FARP2: variants seen among roughly 807,000 people sequenced by gnomAD.
FARP2 encodes FERM, ARH/RhoGEF and pleckstrin domain protein 2, also known as FERM, ARHGEF and pleckstrin domain-containing protein 2.
A neutral mutation model predicts 130.5 loss-of-function variants in FARP2; 111 were observed. That is an observed-to-expected ratio of 0.85 (90% CI 0.73 to 1.00). FARP2 has a LOEUF of 1.00. Ranked by LOEUF, FARP2 falls within the 50% of genes least tolerant of loss-of-function variation. The probability of loss-of-function intolerance (pLI) is 0.00; values close to 1 mark genes in which losing one functional copy is unlikely to be tolerated. For missense variants in FARP2, 1,385 were observed against 1,346.3 expected, an observed-to-expected ratio of 1.03 and a Z score of -0.45; for synonymous variants, 504 against 516.9, an observed-to-expected ratio of 0.98 and a Z score of 0.34.
At chr2:241,366,102 A>ATATATATATATATATATATATAT (rs1388297069) in intron 1 of FARP2, among the ~76,000 whole-genome samples, 2 of 34,728 alleles carry the variant, frequency 5.8e-5, no homozygotes, top group African/African-American at 1.6e-4. Context: ...TAAAAAAAAA[A>ATATATATATATATATATATATAT]AAATATATAT....
In FARP2 at chr2:241,379,559, C is replaced by T. The variant is rs552876498; in HGVS notation, c.183+6269C>T. 1.2e-4 allele frequency among the ~76,000 whole-genome samples: 18 copies of T among 152,326 alleles called. No individual in the cohort carries two copies. In the East Asian group the frequency reaches 3.3e-3, roughly 28 times the overall value. On this transcript the variant is annotated intron_variant, in intron 2 of 26. Transcript: ENST00000264042. ...ATAGTGACAAGTAGGAAGACAAATT[C>T]TCAGTCACGAAGTTCTGTGCTAGAA...
In FARP2 at chr2:241,374,014, C is replaced by CT. The variant is rs779927100; in HGVS notation, c.183+738dup. ...GAAAGTTCTTTTTATTCATCTTTTA[C>CT]TTTTTTTTTTTTTTGAGAAAGGGTG... On this transcript the variant is annotated intron_variant, in intron 2 of 26. Coordinates refer to ENST00000264042, the MANE Select transcript of FARP2 (RefSeq NM_014808.4). Among the ~76,000 whole-genome samples, 1,122 of 142,582 alleles carry CT rather than the reference C, an allele frequency of 7.9e-3. 10 individuals are homozygous for CT. Among genetic ancestry groups the CT allele is most frequent in the African/African-American group, 0.018 (711 of 39,164 alleles). The allele number at this position is 142,582 out of a possible 152,430, so 93.5% of individuals were successfully genotyped here. A position where few individuals can be genotyped will look rare whatever the true frequency, so the allele number is the denominator to read the frequency against.
In FARP2 at chr2:241,431,768, G is replaced by T. The variant is rs2150397167; in HGVS notation, c.861G>T (p.Glu287Asp). 3 of 1,383,178 alleles carry T rather than the reference G, an allele frequency of 2.2e-6. No individual in the cohort carries two copies. The highest frequency in any genetic ancestry group is 2.6e-5 in the South Asian group (2 of 76,992). 85.7% of individuals were successfully genotyped at this position (1,383,178 alleles called of 1,614,324 possible). ...RKRFLIKLHP[E>D]VHGPYQDTLE... ...GATTTCTTATCAAACTTCATCCAGA[G>T]GTTCATGTAAGTATTATTTTCAACT... The change falls in exon 9 of 27, where the codon GAG (glutamate) becomes GAT (aspartate). Residue 287 changes from glutamate to aspartate, a missense_variant. Transcript: ENST00000264042.
intron 4 of FARP2, chr2:241,405,403 G>T (rs2062306556): frequency 6.6e-6 from 1 of 151,984 alleles, no homozygotes; most frequent in Non-Finnish European, 1.5e-5. Context: ...TTAAACTAAG[G>T]CATGTAGTAG....
intron 12 of FARP2, among the ~76,000 whole-genome samples, chr2:241,438,509 A>G (rs972693717): frequency 6.6e-6 from 1 of 152,110 alleles, no homozygotes; most frequent in Non-Finnish European, 1.5e-5. Context: ...GTGAGCCACA[A>G]TTGTACCACT....
At position 241,435,012 on chromosome 2, in the gene FARP2, A is replaced by G; in HGVS notation, c.1082A>G (p.Lys361Arg). Residue 361 changes from lysine (K) to arginine (R), a missense_variant, in exon 11 of 27, where the codon AAG becomes AGG. By Grantham distance (26) the Lys-to-Arg change is conservative (BLOSUM62 2). Coordinates refer to ENST00000264042, the MANE Select transcript of FARP2 (RefSeq NM_014808.4). Reference sequence around the variant, plus strand: ...GATTATTTCAAAGACAGTGGAATGAAGAGAATTCCATATGAAAGGTAAGCT... The same window carrying G: ...GATTATTTCAAAGACAGTGGAATGAGGAGAATTCCATATGAAAGGTAAGCT... Reference protein sequence around the residue: ...LVDYFKDSGMKRIPYERRHSK... With the variant: ...LVDYFKDSGMRRIPYERRHSK... 1 of 1,591,980 alleles carries G rather than the reference A, an allele frequency of 6.3e-7. No individual in the cohort carries two copies.
chr2:241,468,464 T>C, intron 18 of FARP2, 87 bp downstream of exon 18: 1 of 981,944 alleles, frequency 1.0e-6, no homozygotes, highest in South Asian at 1.4e-5. Flanking sequence ...AAGACTTCCT[T>C]CACTGGGAAG....
At chr2:241,466,941 T>C (rs557890240) in intron 17 of FARP2, among the ~76,000 whole-genome samples, 1 of 149,756 alleles carries the variant, frequency 6.7e-6, no homozygotes, top group Non-Finnish European at 1.5e-5. Context: ...AATAAAAGTG[T>C]TTTGTTAAAA....
chr2:241,479,523 G>C (rs987747463), intron 19 of FARP2, among the ~76,000 whole-genome samples: 7 of 152,298 alleles, frequency 4.6e-5, no homozygotes, highest in African/African-American at 1.7e-4. Flanking sequence ...TCTGAGTGCC[G>C]TTTCAAGGCC....
intron 2 of FARP2, among the ~76,000 whole-genome samples, chr2:241,400,602 A>G (rs1342346020): frequency 6.6e-6 from 1 of 152,192 alleles, no homozygotes; most frequent in African/African-American, 2.4e-5. Flanking sequence ...AGACTGATAG[A>G]AGGGAAGTGA....
chr2:241,482,777 G>A lies in FARP2; in HGVS notation c.2263-688G>A, dbSNP rs943849447. The stretch of plus-strand genomic sequence containing the variant: ...CCTGTTTGTCTGAAAGGAACAGATG[G>A]TGGAAGGGCTCCAGAGCAGTCCAGG... On this transcript the variant is annotated intron_variant, in intron 19 of 26. Coordinates refer to ENST00000264042, the MANE Select transcript of FARP2 (RefSeq NM_014808.4). The surrounding 1 kb of genome is among the most constrained non-coding windows in gnomAD (Gnocchi z 4.6). Among the ~76,000 whole-genome samples the A allele has an allele frequency of 3.3e-5, 5 of 152,158 alleles. No individual in the cohort carries two copies. Among genetic ancestry groups the A allele is most frequent in the Non-Finnish European group, 7.3e-5 (5 of 68,030 alleles).
chr2:241,361,997 C>T (rs1246676725), intron 1 of FARP2, among the ~76,000 whole-genome samples: 2 of 151,840 alleles, frequency 1.3e-5, no homozygotes, highest in African/African-American at 2.4e-5. Context: ...CACATTCAAG[C>T]GATTCTCCTG....
At chr2:241,383,245 G>A (rs113930912) in intron 2 of FARP2, among the ~76,000 whole-genome samples, 28 of 152,340 alleles carry the variant, frequency 1.8e-4, no homozygotes, top group African/African-American at 6.7e-4. Flanking sequence ...GCAGTGGGGA[G>A]CTCAACAGTG....
intron 2 of FARP2, among the ~76,000 whole-genome samples, chr2:241,374,042 G>A (rs373219119): frequency 1.4e-5 from 2 of 147,940 alleles, no homozygotes; most frequent in South Asian, 4.3e-4. Flanking sequence ...AAAGGGTGTT[G>A]TTCTGTCAAC....
At chr2:241,415,897 A>T (rs938371967) in intron 7 of FARP2, among the ~76,000 whole-genome samples, 1 of 152,092 alleles carries the variant, frequency 6.6e-6, no homozygotes, top group African/African-American at 2.4e-5. Context: ...GTACACTGAA[A>T]GTGCAGTGAG....
At chr2:241,466,910 G>A (rs1249660997) in intron 17 of FARP2, among the ~76,000 whole-genome samples, 3 of 151,550 alleles carry the variant, frequency 2.0e-5, no homozygotes, top group African/African-American at 4.9e-5. Flanking sequence ...AGTGGTTTCC[G>A]ACTCAGGCTC....
intron 2 of FARP2, among the ~76,000 whole-genome samples, chr2:241,391,681 G>C (rs571941495): frequency 1.3e-5 from 2 of 152,238 alleles, no homozygotes; most frequent in East Asian, 3.9e-4. Context: ...TCTTCTTCCA[G>C]TTTTCAACCT....
At chr2:241,412,628 G>T (rs1337281315) in intron 6 of FARP2, among the ~76,000 whole-genome samples, 3 of 152,108 alleles carry the variant, frequency 2.0e-5, no homozygotes, top group Non-Finnish European at 4.4e-5. Context: ...ATTTGAGAAG[G>T]TCTGAAGGAA....
intron 12 of FARP2, among the ~76,000 whole-genome samples, chr2:241,439,170 C>T (rs986362172): frequency 1.3e-5 from 2 of 150,650 alleles, no homozygotes; most frequent in South Asian, 2.1e-4. Context: ...TGCATGCCAC[C>T]GCACCCAGCT....
Sources: allele counts gnomAD v4.1 joint callset (sites outside exome capture counted in the v4.1 genomes callset), GRCh38; gene constraint gnomAD v4.1.1; non-coding constraint Gnocchi (gnomAD v3.1); transcripts MANE v1.5; gene names NCBI Gene and HGNC (gene_info 2026-07-23, HGNC 2026-07-21).